SYTL5: variants seen among roughly 807,000 people sequenced by gnomAD.
SYTL5 encodes synaptotagmin-like protein 5.
A neutral mutation model predicts 55.9 loss-of-function variants in SYTL5; 34 were observed. That is an observed-to-expected ratio of 0.61 (90% CI 0.46 to 0.81). The LOEUF (loss-of-function observed/expected upper bound fraction) is 0.81, where lower values mean the gene tolerates loss of function less well. SYTL5 is among the 30% of genes least tolerant of loss of function. SYTL5 has a pLI of 0.00. For synonymous variants in SYTL5, 221 were observed against 188.7 expected (o/e 1.17, Z -1.40); for missense variants, 637 against 546.7 (o/e 1.17, Z -1.65).
the SYTL5 span, among the ~76,000 whole-genome samples, chrX:37,947,023 T>G: frequency 9.0e-6 from 1 of 111,020 alleles, no homozygotes; most frequent in African/African-American, 3.3e-5. Context: ...CCTCATTGCC[T>G]TACTCTCTCT....
At chrX:37,936,742 A>G in the SYTL5 span, among the ~76,000 whole-genome samples, 2 of 111,246 alleles carry the variant, frequency 1.8e-5, no homozygotes, top group African/African-American at 6.5e-5. Context: ...CCACAAGGGG[A>G]CAGTATATAT....
chrX:38,126,441 C>T (rs1366318638), intron 16 of SYTL5, 147 bp from the exon 17 acceptor site: 1 of 541,564 alleles, frequency 1.8e-6, no homozygotes, highest in Non-Finnish European at 2.9e-6. Context: ...TGATTCAATT[C>T]TAACACCACT....
rs192937718 is a variant in SYTL5 at position 38,120,415 on chromosome X, C to A, written c.1654C>A (p.Arg552Ser). The A allele has an allele frequency of 3.3e-6, 4 of 1,209,100 alleles. No homozygotes were observed. Among genetic ancestry groups the A allele is most frequent in the Non-Finnish European group, 4.5e-6 (4 of 894,509 alleles). ...QYKGELTVVL[R>S]YIPPEENLML... is the part of the protein sequence containing the mutation. The stretch of plus-strand genomic sequence containing the variant: ...CAAAGGAGAGCTGACAGTTGTTTTA[C>A]GTTACATTCCCCCAGAAGAGAACCT... The change falls in exon 14 of 17, where the codon CGT (arginine) becomes AGT (serine). Residue 552 changes from arginine (R) to serine (S), a missense_variant. Arg to Ser is a moderately radical substitution (Grantham distance 110). Transcript: ENST00000297875.
chrX:38,024,851 T>TA (rs1164874402), intron 1 of SYTL5, among the ~76,000 whole-genome samples: 2 of 109,072 alleles, frequency 1.8e-5, no homozygotes, highest in African/African-American at 6.6e-5. Context: ...ATTGTGAAAT[T>TA]AAAAAAAAAA....
chrX:37,983,471 T>C, the SYTL5 span, among the ~76,000 whole-genome samples: 1 of 112,173 alleles, frequency 8.9e-6, no homozygotes, highest in Non-Finnish European at 1.9e-5. Context: ...GTCAACCCAC[T>C]GGGAAGATAT....
intron 1 of SYTL5, among the ~76,000 whole-genome samples, chrX:38,028,975 G>T (rs746891123): frequency 5.4e-5 from 6 of 111,569 alleles, no homozygotes; most frequent in Non-Finnish European, 1.1e-4. Context: ...TTATATTAGT[G>T]TACTACTAAT....
At chrX:38,123,971 C>G (rs1416115156) in intron 15 of SYTL5, among the ~76,000 whole-genome samples, 1 of 111,269 alleles carries the variant, frequency 9.0e-6, no homozygotes, top group Admixed American at 9.6e-5. Context: ...GTGGCTTAAA[C>G]AAGACAAGTT....
At chrX:37,978,921 G>A in the SYTL5 span, among the ~76,000 whole-genome samples, 4 of 111,542 alleles carry the variant, frequency 3.6e-5, no homozygotes, top group Non-Finnish European at 7.5e-5. Context: ...CTGAGATTGT[G>A]CAGTACATTC....
intron 3 of SYTL5, among the ~76,000 whole-genome samples, chrX:38,059,856 G>C (rs763509127): frequency 9.0e-6 from 1 of 110,847 alleles, no homozygotes; most frequent in Admixed American, 9.6e-5. Context: ...GATTTATGGG[G>C]GAATTTCTCA....
chrX:38,055,378 A>G (rs1332842048), intron 3 of SYTL5, among the ~76,000 whole-genome samples: 2 of 111,430 alleles, frequency 1.8e-5, no homozygotes, highest in African/African-American at 6.5e-5. Flanking sequence ...TTCTCAGTTC[A>G]GTTAAACCAG....
At chrX:37,944,282 T>C in the SYTL5 span, among the ~76,000 whole-genome samples, 13 of 109,237 alleles carry the variant, frequency 1.2e-4, no homozygotes, top group East Asian at 3.6e-3. Context: ...ATGTACCTGT[T>C]GAAAAAGATT....
At chrX:37,963,449 C>T in the SYTL5 span, among the ~76,000 whole-genome samples, 10 of 110,476 alleles carry the variant, frequency 9.1e-5, no homozygotes, top group South Asian at 3.9e-4. Flanking sequence ...CCAACACGCC[C>T]GGCTTATTTT....
In SYTL5 at chrX:38,072,055, G is replaced by A. The variant is rs766545935; in HGVS notation, c.338G>A (p.Arg113Lys). The change falls in exon 4 of 17, where the codon AGG becomes AAG. Residue 113 changes from arginine to lysine, a missense_variant. Transcript: ENST00000297875. ...CTVCDKIAQL[R>K]IITGEWFFEE... ...CCTTTTCCCTTGAGTAGGCAGCTAA[G>A]GATTATAACTGGTGAGTGGTTTTTT... 1.7e-6 allele frequency: 2 copies of A among 1,202,375 alleles called. No individual in the cohort carries two copies. Among genetic ancestry groups the A allele is most frequent in the Admixed American group, 2.2e-5 (1 of 45,672 alleles).
intron 1 of SYTL5, among the ~76,000 whole-genome samples, chrX:38,025,767 G>T (rs545090668): frequency 8.9e-6 from 1 of 112,240 alleles, no homozygotes; most frequent in Middle Eastern, 4.6e-3. Flanking sequence ...ATGTGTAATG[G>T]GTAAGGGATT....
At chrX:38,088,145 T>G (rs1187406077) in intron 6 of SYTL5, among the ~76,000 whole-genome samples, 2 of 111,804 alleles carry the variant, frequency 1.8e-5, no homozygotes, top group Non-Finnish European at 3.8e-5. Flanking sequence ...ACTTCTCTGG[T>G]GCACAGCTTT....
chrX:37,905,892 C>T, the SYTL5 span, among the ~76,000 whole-genome samples: 1 of 113,164 alleles, frequency 8.8e-6, no homozygotes, highest in African/African-American at 3.2e-5. Context: ...CGGCTGTGAG[C>T]CCCGTGGATG....
intron 1 of SYTL5, among the ~76,000 whole-genome samples, chrX:38,025,488 T>G (rs1288348083): frequency 8.9e-6 from 1 of 111,945 alleles, no homozygotes; most frequent in Non-Finnish European, 1.9e-5. Context: ...AGTTAATGAC[T>G]TGTCCAAAGT....
At chrX:37,888,927 T>C in the SYTL5 span, among the ~76,000 whole-genome samples, 60 of 87,343 alleles carry the variant, frequency 6.9e-4, no homozygotes, top group South Asian at 1.1e-3. Flanking sequence ...TGAGACTCTG[T>C]CTCAAAAAAA....
intron 1 of SYTL5, among the ~76,000 whole-genome samples, chrX:38,010,671 G>A (rs974533908): frequency 9.0e-6 from 1 of 111,379 alleles, no homozygotes; most frequent in African/African-American, 3.3e-5. Flanking sequence ...CTAGAAATCC[G>A]TCTCTTTAAC....
Sources: allele counts gnomAD v4.1 joint callset (sites outside exome capture counted in the v4.1 genomes callset), GRCh38; gene constraint gnomAD v4.1.1; transcripts MANE v1.5; gene names NCBI Gene and HGNC (gene_info 2026-07-23, HGNC 2026-07-21).